NHSL1: variants seen among roughly 807,000 people sequenced by gnomAD.
NHSL1 encodes the protein NHS like 1.
In NHSL1, 48 loss-of-function variants were observed where a neutral mutation model predicts 95.0. The ratio of observed to expected loss-of-function variants is 0.51; its 90% confidence interval spans 0.40 to 0.64. The LOEUF (loss-of-function observed/expected upper bound fraction) is 0.64, where lower values mean the gene tolerates loss of function less well. Ranked by LOEUF, NHSL1 falls within the 30% of genes least tolerant of loss-of-function variation. NHSL1 has a pLI of 0.00. For synonymous variants in NHSL1, 783 were observed against 833.9 expected, an observed-to-expected ratio of 0.94 and a Z score of 1.05; for missense variants, 1,971 against 2,077.7, an observed-to-expected ratio of 0.95 and a Z score of 1.00.
chr6:138,424,259 T>A lies in NHSL1; in HGVS notation c.4643A>T (p.Glu1548Val), dbSNP rs1289204781. 6.7e-7 allele frequency: 1 copy of A among 1,501,868 alleles called. No homozygotes were observed. Among genetic ancestry groups the A allele is most frequent in the East Asian group, 2.5e-5 (1 of 40,452 alleles). 93.0% of individuals were successfully genotyped at this position (1,501,868 alleles called of 1,614,324 possible). A position where few individuals can be genotyped will look rare whatever the true frequency, so the allele number is the denominator to read the frequency against. The change falls in exon 8 of 8, where the codon GAG becomes GTG. Residue 1548 changes from glutamate to valine, a missense_variant. Transcript: ENST00000343505. The surrounding 1 kb of genome is among the most constrained non-coding windows in gnomAD (Gnocchi z 5.9). ...CGCCAGTCCGTCCAGGGAACATCCC[T>A]CCGCAGCGCCCAGAGCCCCGCGGGC... ...SIARGALGAA[E>V]GCSLDGLARE...
upstream of NHSL1, among the ~76,000 whole-genome samples, chr6:138,549,389 AAG>A (rs949971200): frequency 1.3e-5 from 2 of 152,180 alleles, no homozygotes; most frequent in South Asian, 2.1e-4. Context: ...GTCTCAAAAA[AAG>A]AGAGAGAGAC....
At chr6:138,540,864 C>G (rs1205479259) in intron 1 of NHSL1, among the ~76,000 whole-genome samples, 1 of 152,192 alleles carries the variant, frequency 6.6e-6, no homozygotes, top group Non-Finnish European at 1.5e-5. Flanking sequence ...CTCCATGAAA[C>G]TAGATTTCTA....
At chr6:138,585,508 C>T (rs550412119) in intron 1 of NHSL1, among the ~76,000 whole-genome samples, 216 of 152,164 alleles carry the variant, frequency 1.4e-3, no homozygotes, top group Non-Finnish European at 2.3e-3. Context: ...GCTACCTTAC[C>T]TCATAAGGAA....
chr6:138,499,247 A>G lies in NHSL1; in HGVS notation c.44T>C (p.Leu15Pro). 1 of 1,549,344 alleles carries G rather than the reference A, an allele frequency of 6.5e-7. No individual in the cohort carries two copies. The highest frequency in any genetic ancestry group is 8.7e-7 in the Non-Finnish European group (1 of 1,145,068). Reference sequence around the variant, plus strand: ...GAACTACTTACTTTTCTTCTTAAAAAGTTTAATTAAAGACTTAATCTTTGC... The same window carrying G: ...GAACTACTTACTTTTCTTCTTAAAAGGTTTAATTAAAGACTTAATCTTTGC... ...INAKIKSLIK[L>P]FKKKTVSNLD... Residue 15 changes from leucine (L) to proline (P), a missense_variant, in exon 1 of 8, where the codon CTT becomes CCT. Physicochemically the swap from Leu to Pro is moderately conservative, Grantham distance 98. This residue lies in a region of NHSL1 where 1,602 missense variants were observed against 1,654.5 expected (regional missense o/e 0.97). Transcript: ENST00000343505.
intron 1 of NHSL1, among the ~76,000 whole-genome samples, chr6:138,552,335 G>A (rs1232374645): frequency 1.3e-5 from 2 of 152,108 alleles, no homozygotes; most frequent in Non-Finnish European, 2.9e-5. Context: ...CAGGGGAATC[G>A]CTTGAACCCG....
rs1436162697 is a variant in NHSL1, at chr6:138,424,696, C to A, written c.4206G>T (p.Val1402=). The A allele has an allele frequency of 6.4e-7, 1 of 1,551,512 alleles. No homozygotes were observed. Among genetic ancestry groups the A allele is most frequent in the African/African-American group, 1.4e-5 (1 of 73,004 alleles). ...TTCGGATGCTTCTCTGAATCGACCC[C>A]ACTTGCTTTGGAGAGGCCAGGCTTG... The part of the protein sequence containing the change: ...AAPSLASPKQ[V]GSIQRSIRKS... Residue 1402 remains valine, a synonymous_variant, in exon 8 of 8, where the codon GTG becomes GTT. Coordinates refer to ENST00000343505, the MANE Select transcript of NHSL1 (RefSeq NM_001144060.2). The surrounding 1 kb of genome is among the most constrained non-coding windows in gnomAD (Gnocchi z 5.9).
chr6:138,458,371 G>A (rs563741209), intron 3 of NHSL1, among the ~76,000 whole-genome samples: 128 of 152,166 alleles, frequency 8.4e-4, no homozygotes, highest in African/African-American at 2.9e-3. Flanking sequence ...AGCTTCCTTA[G>A]TCGTCTCTCT....
At chr6:138,557,075 T>G (rs79697738) in intron 1 of NHSL1, among the ~76,000 whole-genome samples, 2 of 152,142 alleles carry the variant, frequency 1.3e-5, no homozygotes, top group Non-Finnish European at 2.9e-5. Flanking sequence ...CTCGGAGTGA[T>G]TTTTACAGGA....
chr6:138,557,992 C>G (rs1006883819), intron 1 of NHSL1, among the ~76,000 whole-genome samples: 2 of 152,110 alleles, frequency 1.3e-5, no homozygotes, highest in African/African-American at 2.4e-5. Flanking sequence ...GAAAGATGAA[C>G]GAGGCAAGCT....
At chr6:138,572,017 G>C (rs1583426288) in exon 1 of NHSL1, 1 of 807,910 alleles carries the variant, frequency 1.2e-6, no homozygotes. Context: ...TTCCCTCTTA[G>C]ACAACGCTGA....
intron 1 of NHSL1, among the ~76,000 whole-genome samples, chr6:138,596,032 AAAAAATATCC>A (rs1286387580): frequency 6.6e-6 from 1 of 152,288 alleles, no homozygotes; most frequent in Admixed American, 6.5e-5. Flanking sequence ...AGCTAAAACC[AAAAAATATCC>A]AGGATGAAAG....
At chr6:138,662,451 T>C (rs889887489) in intron 1 of NHSL1, among the ~76,000 whole-genome samples, 2 of 152,270 alleles carry the variant, frequency 1.3e-5, no homozygotes, top group African/African-American at 4.8e-5. Flanking sequence ...TTGTATCCTT[T>C]GTTTTAGTTT....
At chr6:138,609,749 CAA>C (rs10687521) in intron 1 of NHSL1, among the ~76,000 whole-genome samples, 5 of 106,240 alleles carry the variant, frequency 4.7e-5, no homozygotes, top group African/African-American at 3.5e-5. Flanking sequence ...GACTCTGTCT[CAA>C]AAAAAAAAAA....
In NHSL1 at chr6:138,449,602, G is replaced by T. The variant is rs562064699; in HGVS notation, c.340-2409C>A. On this transcript the variant is annotated intron_variant, in intron 3 of 7. Transcript: ENST00000343505. ...TAAGGCAGGAGAATCGCTTGAACTC[G>T]GGAGGCTGAGGCTGCGGTGAGCTGA... 1.3e-4 allele frequency among the ~76,000 whole-genome samples: 20 copies of T among 152,140 alleles called. 1 individual carries two copies. The East Asian group carries it at 3.1e-3, about 23-fold the overall frequency.
At chr6:138,446,978 C>G (rs892337165) in intron 4 of NHSL1, 23 bp downstream of exon 4, 3 of 1,550,220 alleles carry the variant, frequency 1.9e-6, no homozygotes, top group Admixed American at 3.9e-5. Context: ...ACATTCTGAA[C>G]CTGTCTGGCT....
chr6:138,467,246 G>A (rs1001351966), intron 3 of NHSL1, among the ~76,000 whole-genome samples: 12 of 151,890 alleles, frequency 7.9e-5, no homozygotes, highest in Admixed American at 1.3e-4. Flanking sequence ...TCCGCCCCCC[G>A]GGTTCACGCC....
chr6:138,452,520 GAATT>G (rs1387791129), intron 3 of NHSL1, among the ~76,000 whole-genome samples: 2 of 152,164 alleles, frequency 1.3e-5, no homozygotes, highest in African/African-American at 4.8e-5. Flanking sequence ...TATTCATTTA[GAATT>G]ATTACATGAA....
chr6:138,479,508 C>T lies in NHSL1; in HGVS notation c.212-6075G>A, dbSNP rs192408133. On this transcript the variant is annotated intron_variant, in intron 2 of 7. Coordinates refer to ENST00000343505, the MANE Select transcript of NHSL1 (RefSeq NM_001144060.2). ...ACGGGCAGTGTCTGCAGCGTGGATC[C>T]GATGGACAAAGGGAGGTTTCATGTC... 2.0e-4 allele frequency among the ~76,000 whole-genome samples: 30 copies of T among 152,198 alleles called. No homozygotes were observed. In the East Asian group the frequency reaches 3.9e-3, roughly 20 times the overall value.
intron 2 of NHSL1, among the ~76,000 whole-genome samples, chr6:138,485,949 C>T (rs1408082758): frequency 1.3e-5 from 2 of 152,152 alleles, no homozygotes; most frequent in African/African-American, 4.8e-5. Flanking sequence ...AACAATATGG[C>T]GGGGGCCACA....
Sources: gnomAD v4.1 joint callset for allele counts (sites outside exome capture counted in the v4.1 genomes callset) on GRCh38, gnomAD v4.1.1 for gene constraint, gnomAD v4.1.1 regional missense constraint, Gnocchi (gnomAD v3.1) non-coding constraint, MANE v1.5 for transcripts, NCBI Gene and HGNC (gene_info 2026-07-23, HGNC 2026-07-21) for gene names.